Variants in PLXNA2 observed in about 807,000 individuals in gnomAD.
PLXNA2 encodes plexin-A2.
Under a neutral mutation model 193.5 loss-of-function variants are expected in PLXNA2, and 91 were observed. The ratio of observed to expected loss-of-function variants is 0.47; its 90% CI spans 0.40 to 0.56. The LOEUF is 0.56. Ranked by LOEUF, PLXNA2 falls within the 20% of genes least tolerant of loss-of-function variation. The pLI is 0.00. For synonymous variants in PLXNA2, 997 were observed against 1,027.3 expected (o/e 0.97, Z 0.56); for missense variants, 1,995 against 2,503.2 (o/e 0.80, Z 4.33).
chr1:208,118,917 T>C (rs566278265), intron 4 of PLXNA2, among the ~76,000 whole-genome samples: 13 of 152,296 alleles, frequency 8.5e-5, no homozygotes, highest in African/African-American at 2.9e-4. Context: ...ACTGAACACT[T>C]AGCATCGAGC....
In PLXNA2 at chr1:208,217,095, G is replaced by A. The variant is rs1671156834; in HGVS notation, c.828C>T (p.Tyr276=). ...VAINSAGDLF[Y]TSRIVRLCKD... is the part of the protein sequence containing the mutation. ...TGCAGAGCCGCACGATGCGTGAGGT[G>A]TAGAAGAGGTCTCCAGCGGAGTTGA... The change falls in exon 2 of 32, where the codon TAC becomes TAT. Residue 276 remains tyrosine, a synonymous_variant. Transcript: ENST00000367033. This position sits in a 1 kb window ranked among gnomAD's most constrained non-coding sequence, Gnocchi z 4.7. 3 of 1,614,232 alleles carry A rather than the reference G, an allele frequency of 1.9e-6. No homozygotes were observed. Among genetic ancestry groups the A allele is most frequent in the African/African-American group, 2.7e-5 (2 of 75,070 alleles).
chr1:208,053,158 G>A (rs1236544766), intron 14 of PLXNA2, among the ~76,000 whole-genome samples: 3 of 152,272 alleles, frequency 2.0e-5, no homozygotes, highest in Non-Finnish European at 4.4e-5. Flanking sequence ...CTGGAGGGCA[G>A]TGGAGTGGAG....
At chr1:208,054,369 ATG>A in intron 14 of PLXNA2, 50 bp downstream of exon 14, 1 of 1,224,096 alleles carries the variant, frequency 8.2e-7, no homozygotes, top group Non-Finnish European at 1.2e-6. Flanking sequence ...AGTCTGGAGC[ATG>A]TGTGTCTCCT....
rs193112349 is a variant in PLXNA2 at position 208,210,566 on chromosome 1, G to A, written c.1189-104C>T. ...TCCAGCCTTAGGACACCAGGCCTCA[G>A]AGAGGCAGACATGGGAGTTCAGGGG... On this transcript the variant is annotated intron_variant, in intron 2 of 31. Transcript: ENST00000367033. 40 of 999,762 alleles carry A rather than the reference G, an allele frequency of 4.0e-5. 1 individual carries two copies. In the African/African-American group the frequency reaches 5.9e-4, roughly 15 times the overall value. The allele number at this position is 999,762 out of a possible 1,614,324, so 61.9% of individuals were successfully genotyped here. A position where few individuals can be genotyped will look rare whatever the true frequency, so the allele number is the denominator to read the frequency against.
In PLXNA2 at chr1:208,210,474, C is replaced by T. The variant is rs201296044; in HGVS notation, c.1189-12G>A. ...TCGATGGGGACAGGCTGGAGGGAAG[C>T]GGAAGGAATTGGGGTGAGTAACAGT... On this transcript the variant is annotated splice_polypyrimidine_tract_variant and intron_variant, in intron 2 of 31. Transcript: ENST00000367033. 3.6e-5 allele frequency: 58 copies of T among 1,604,600 alleles called. No homozygotes were observed. The highest frequency in any genetic ancestry group is 1.7e-4 in the Middle Eastern group (1 of 5,792).
At chr1:208,071,026 G>A (rs924867191) in intron 12 of PLXNA2, among the ~76,000 whole-genome samples, 5 of 152,200 alleles carry the variant, frequency 3.3e-5, no homozygotes, top group African/African-American at 1.2e-4. Flanking sequence ...GAGGAGGGGA[G>A]GTGGTTGGTG....
intron 4 of PLXNA2, among the ~76,000 whole-genome samples, chr1:208,105,313 C>T (rs982685091): frequency 1.3e-5 from 2 of 152,214 alleles, no homozygotes; most frequent in African/African-American, 4.8e-5. Flanking sequence ...CTCAGAAAAG[C>T]TCAACATCAT....
chr1:208,064,475 C>T (rs1665723693), intron 12 of PLXNA2, among the ~76,000 whole-genome samples: 2 of 152,210 alleles, frequency 1.3e-5, no homozygotes, highest in Admixed American at 1.3e-4. Flanking sequence ...TCATGCCCTG[C>T]CCTATCGGTG....
Position 208,188,447 on chromosome 1 carries a change from G to A in PLXNA2, c.1371+21833C>T, listed in dbSNP as rs146647876. 6.0e-3 allele frequency among the ~76,000 whole-genome samples: 912 copies of A among 152,282 alleles called. 11 individuals carry two copies. The highest frequency in any genetic ancestry group is 0.021 in the African/African-American group (869 of 41,566). On this transcript the variant is annotated intron_variant, in intron 3 of 31. Transcript: ENST00000367033. ...ATATAGGCTGGGCGCAGTGGCTCAC[G>A]CCTGTAATCCCAGCACTTTGGGAGG...
chr1:208,040,760 A>G (rs1375058601), intron 22 of PLXNA2, among the ~76,000 whole-genome samples: 1 of 152,350 alleles, frequency 6.6e-6, no homozygotes, highest in East Asian at 1.9e-4. Context: ...TATTGCTGTC[A>G]TGTGGGGTCT....
chr1:208,068,475 CT>C (rs752601103), intron 12 of PLXNA2, among the ~76,000 whole-genome samples: 2 of 152,378 alleles, frequency 1.3e-5, no homozygotes, highest in South Asian at 4.1e-4. Context: ...TAAGTCACCC[CT>C]GGCCTTTGCT....
chr1:208,128,836 G>T (rs1348180185), intron 4 of PLXNA2, among the ~76,000 whole-genome samples: 1 of 151,658 alleles, frequency 6.6e-6, no homozygotes, highest in South Asian at 2.1e-4. Context: ...CGAGTAGCTG[G>T]GACTACAGGT....
intron 3 of PLXNA2, among the ~76,000 whole-genome samples, chr1:208,172,244 T>C (rs1246000237): frequency 6.6e-6 from 1 of 151,842 alleles, no homozygotes; most frequent in Non-Finnish European, 1.5e-5. Context: ...GGCTCTGTTA[T>C]TTGCAGAGGT....
chr1:208,032,122 C>A lies in PLXNA2; in HGVS notation c.5056-363G>T, dbSNP rs552127291. 29 of 985,396 alleles carry A rather than the reference C, an allele frequency of 2.9e-5. No homozygotes were observed. The South Asian group carries it at 8.0e-4, about 27-fold the overall frequency. 61.0% of individuals were successfully genotyped at this position (985,396 alleles called of 1,614,324 possible). ...CAGTCCGGAAACAGTGTCCGAGGAA[C>A]AAGCTGGAGGACTGGGTGCCTCCTG... On this transcript the variant is annotated intron_variant, in intron 28 of 31. Transcript: ENST00000367033.
rs1162145847 is a variant in PLXNA2 at position 208,038,335 on chromosome 1, G to T, written c.4764+36C>A. The T allele has an allele frequency of 1.4e-6, 2 of 1,404,974 alleles. No individual in the cohort carries two copies. The highest frequency in any genetic ancestry group is 4.6e-5 in the East Asian group (2 of 43,894). 87.0% of individuals were successfully genotyped at this position (1,404,974 alleles called of 1,614,324 possible). ...AGGCTTAGCGGGAAGGGAACATTCT[G>T]GGAAGCTGAAGAGGGGAAAAGACAC... On this transcript the variant is annotated intron_variant, in intron 26 of 31. Transcript: ENST00000367033. The surrounding 1 kb of genome is among the most constrained non-coding windows in gnomAD (Gnocchi z 4.1).
At chr1:208,151,264 T>C (rs915014251) in intron 3 of PLXNA2, among the ~76,000 whole-genome samples, 7 of 152,180 alleles carry the variant, frequency 4.6e-5, no homozygotes, top group Admixed American at 1.3e-4. Flanking sequence ...TCTGAACCTT[T>C]GTTTACCCCA....
chr1:208,225,869 T>A (rs1572053836), intron 1 of PLXNA2, among the ~76,000 whole-genome samples: 1 of 152,224 alleles, frequency 6.6e-6, no homozygotes, highest in Admixed American at 6.5e-5. Context: ...CATCTGGGAC[T>A]TCCCAGTTTC....
intron 5 of PLXNA2, among the ~76,000 whole-genome samples, chr1:208,101,519 TA>T (rs1667096669): frequency 6.6e-6 from 1 of 152,164 alleles, no homozygotes; most frequent in South Asian, 2.1e-4. Context: ...GAGGATTCTC[TA>T]AAGAGTTAAG....
chr1:208,092,282 T>A (rs1177754230), intron 9 of PLXNA2, among the ~76,000 whole-genome samples: 2 of 152,364 alleles, frequency 1.3e-5, no homozygotes, highest in East Asian at 3.9e-4. Context: ...TTTCACTAGC[T>A]GATTTTTTCT....
Sources: gnomAD v4.1 joint callset for allele counts (sites outside exome capture counted in the v4.1 genomes callset) on GRCh38, gnomAD v4.1.1 for gene constraint, Gnocchi (gnomAD v3.1) non-coding constraint, MANE v1.5 for transcripts, NCBI Gene and HGNC (gene_info 2026-07-23, HGNC 2026-07-21) for gene names.